Variants in RAD51C observed in about 807,000 individuals in gnomAD.
The protein encoded by RAD51C is DNA repair protein RAD51 homolog 3.
A neutral mutation model predicts 45.0 loss-of-function variants in RAD51C; 42 were observed. That is an observed-to-expected ratio of 0.93 (90% CI 0.73 to 1.21). The LOEUF (loss-of-function observed/expected upper bound fraction) is 1.21, where lower values mean the gene tolerates loss of function less well. RAD51C is among the 50% of genes most tolerant of loss of function. The pLI is 0.00. For missense variants in RAD51C, 474 were observed against 452.2 expected, an observed-to-expected ratio of 1.05 and a Z score of -0.44; for synonymous variants, 172 against 159.8, an observed-to-expected ratio of 1.08 and a Z score of -0.58.
At chr17:58,712,328 G>A (rs1456724357) in intron 5 of RAD51C, among the ~76,000 whole-genome samples, 1 of 117,204 alleles carries the variant, frequency 8.5e-6, no homozygotes, top group African/African-American at 3.4e-5. Flanking sequence ...CTGGGCGAGA[G>A]AGCAACACTC....
intron 2 of RAD51C, among the ~76,000 whole-genome samples, chr17:58,695,636 T>C (rs553830835): frequency 2.6e-5 from 4 of 150,950 alleles, no homozygotes; most frequent in Non-Finnish European, 5.9e-5. Flanking sequence ...AAATGGAAAA[T>C]TAGCTGAGTG....
chr17:58,699,397 G>GATTTCCTTTAAATGAGTAT (rs2048134414), intron 3 of RAD51C, among the ~76,000 whole-genome samples: 1 of 151,308 alleles, frequency 6.6e-6, no homozygotes, highest in Non-Finnish European at 1.5e-5. Context: ...CTTTTCATAA[G>GATTTCCTTTAAATGAGTAT]ATTTCCTTTA....
intron 3 of RAD51C, among the ~76,000 whole-genome samples, chr17:58,698,953 T>G (rs1427623906): frequency 1.3e-5 from 2 of 151,812 alleles, no homozygotes; most frequent in African/African-American, 2.4e-5. Flanking sequence ...ATATTCAAGT[T>G]CTTATTCTTT....
At position 58,701,090 on chromosome 17, in the gene RAD51C, G is replaced by A. The variant is rs544689253; in HGVS notation, c.572-2106G>A. On this transcript the variant is annotated intron_variant, in intron 3 of 8. Transcript: ENST00000337432. ...TTTTTTTTGCATTTTTTGTAGAGAC[G>A]GAGTTTCACCATGTTGCCCAGGCTG... 5.9e-5 allele frequency among the ~76,000 whole-genome samples: 9 copies of A among 152,024 alleles called. No individual in the cohort carries two copies. The South Asian group carries it at 6.2e-4, about 11-fold the overall frequency.
chr17:58,713,750 G>A (rs923626064), intron 5 of RAD51C, among the ~76,000 whole-genome samples: 1 of 152,122 alleles, frequency 6.6e-6, no homozygotes, highest in African/African-American at 2.4e-5. Context: ...GGAGGTTGCA[G>A]TGAGCCAAGA....
intron 7 of RAD51C, among the ~76,000 whole-genome samples, chr17:58,731,922 A>G (rs1296547836): frequency 6.6e-6 from 1 of 152,050 alleles, no homozygotes; most frequent in Admixed American, 6.6e-5. Context: ...AGCTATTTTT[A>G]TTGGGTGTAA....
chr17:58,698,697 T>C (rs1429223778), intron 3 of RAD51C, among the ~76,000 whole-genome samples: 3 of 149,072 alleles, frequency 2.0e-5, no homozygotes, highest in Non-Finnish European at 4.5e-5. Context: ...CCCAGCACTT[T>C]GGGAGGCCGA....
At chr17:58,696,281 G>C (rs2048003526) in intron 2 of RAD51C, among the ~76,000 whole-genome samples, 1 of 151,554 alleles carries the variant, frequency 6.6e-6, no homozygotes, top group South Asian at 2.1e-4. Context: ...AAAATACAAA[G>C]AATTAGCCGG....
At chr17:58,705,987 T>G (rs563670072) in intron 4 of RAD51C, 26 of 152,244 alleles carry the variant, frequency 1.7e-4, no homozygotes, top group African/African-American at 6.3e-4. Flanking sequence ...CATCCTGAAG[T>G]GAAATTCCCT....
intron 4 of RAD51C, among the ~76,000 whole-genome samples, chr17:58,703,802 A>T (rs1159916543): frequency 6.6e-6 from 1 of 151,978 alleles, no homozygotes; most frequent in Non-Finnish European, 1.5e-5. Flanking sequence ...CCACCAAAAA[A>T]AAAATTAGCC....
At chr17:58,707,150 A>G (rs1161542718) in intron 4 of RAD51C, among the ~76,000 whole-genome samples, 1 of 152,200 alleles carries the variant, frequency 6.6e-6, no homozygotes, top group East Asian at 1.9e-4. Context: ...AACACAGCCA[A>G]GTTCTTTGCC....
intron 1 of RAD51C, chr17:58,693,382 GACAT>G (rs2047864693): frequency 6.3e-6 from 1 of 158,390 alleles, no homozygotes; most frequent in Admixed American, 6.0e-5. Context: ...TGCATCCTGA[GACAT>G]ACAAATATGA....
chr17:58,692,758 CTAGAG>C lies in RAD51C; in HGVS notation c.116_120del (p.Leu39ArgfsTer7). On this transcript the variant is annotated frameshift_variant, in exon 1 of 9. Transcript: ENST00000337432. LOFTEE classifies it high-confidence loss of function. The stretch of plus-strand genomic sequence containing the variant: ...GGGGTTCCAGACTGCTGAGGAACTC[CTAGAG>C]GTGAAACCCTCCGAGCTTAGCAAAG... 6.2e-7 allele frequency: 1 copy of C among 1,614,204 alleles called. No homozygotes were observed. The highest frequency in any genetic ancestry group is 8.5e-7 in the Non-Finnish European group (1 of 1,180,010).
rs1477727698 is a variant in RAD51C, at chr17:58,694,824, C to G, written c.146-107C>G. The G allele has an allele frequency of 2.8e-6, 3 of 1,072,970 alleles. No individual in the cohort carries two copies. The African/African-American group carries it at 4.7e-5, about 17-fold the overall frequency. 66.5% of individuals were successfully genotyped at this position (1,072,970 alleles called of 1,614,324 possible). Reference sequence around the variant, plus strand: ...AGAATGTTGCATTTTTATGTTTCTCCACTCCTAGCATCACTGTTGTCTACA... The same window carrying G: ...AGAATGTTGCATTTTTATGTTTCTCGACTCCTAGCATCACTGTTGTCTACA... On this transcript the variant is annotated intron_variant, in intron 1 of 8. Transcript: ENST00000337432.
intron 3 of RAD51C, among the ~76,000 whole-genome samples, chr17:58,702,451 G>C (rs1344248280): frequency 6.6e-6 from 1 of 152,044 alleles, no homozygotes; most frequent in Non-Finnish European, 1.5e-5. Context: ...GCGTGAATTT[G>C]GGAAGCTGAG....
rs1598510954 is a variant in RAD51C at position 58,724,041 on chromosome 17, G to A, written c.906G>A (p.Gly302=). 2 of 1,612,028 alleles carry A rather than the reference G, an allele frequency of 1.2e-6. No individual in the cohort carries two copies. Among genetic ancestry groups the A allele is most frequent in the Non-Finnish European group, 1.7e-6 (2 of 1,178,172 alleles). The change falls in exon 7 of 9, where the codon GGG becomes GGA. Residue 302 remains glycine (G), a splice_region_variant and synonymous_variant. Transcript: ENST00000337432. ...RNQALLVPAL[G]ESWGHAATIR... Reference sequence around the variant, plus strand: ...AGTTATTATGTTTTTTACTCTCAGGGGAAAGTTGGGGACATGCTGCTACAA... The same window carrying A: ...AGTTATTATGTTTTTTACTCTCAGGAGAAAGTTGGGGACATGCTGCTACAA...
At position 58,694,968 on chromosome 17, in the gene RAD51C, G is replaced by A. The variant is rs200531489; in HGVS notation, c.183G>A (p.Leu61=). The A allele has an allele frequency of 6.2e-7, 1 of 1,614,044 alleles. No homozygotes were observed. Among genetic ancestry groups the A allele is most frequent in the Non-Finnish European group, 8.5e-7 (1 of 1,179,976 alleles). ...CTAAAGCAGAAGCCTTAGAAACTCT[G>A]CAAATTATCAGAAGAGAATGTCTCA... ...GISKAEALET[L]QIIRRECLTN... is the part of the protein sequence containing the mutation. The change falls in exon 2 of 9, where the codon CTG becomes CTA. Residue 61 remains leucine, a synonymous_variant. Coordinates refer to ENST00000337432, the MANE Select transcript of RAD51C (RefSeq NM_058216.3).
intron 6 of RAD51C, 145 bp from the exon 7 acceptor site, chr17:58,723,895 A>G: frequency 1.4e-6 from 1 of 726,218 alleles, no homozygotes; most frequent in South Asian, 1.6e-5. Context: ...TCAGGATATT[A>G]CTCATTTTCC....
intron 3 of RAD51C, among the ~76,000 whole-genome samples, chr17:58,699,403 CT>C (rs1428131285): frequency 1.3e-5 from 2 of 150,784 alleles, no homozygotes; most frequent in African/African-American, 4.9e-5. Flanking sequence ...ATAAGATTTC[CT>C]TTAAATGAGT....
Sources: allele counts gnomAD v4.1 joint callset (sites outside exome capture counted in the v4.1 genomes callset), GRCh38; gene constraint gnomAD v4.1.1; transcripts MANE v1.5; gene names NCBI Gene and HGNC (gene_info 2026-07-23, HGNC 2026-07-21).